STK40: variants seen among roughly 807,000 people sequenced by gnomAD.
STK40 encodes the protein serine/threonine-protein kinase 40.
A neutral mutation model predicts 47.9 loss-of-function variants in STK40; 13 were observed. The observed-to-expected ratio is 0.27, with a 90% CI of 0.18 to 0.43. The LOEUF (loss-of-function observed/expected upper bound fraction) is 0.43. Among genes scored for constraint, STK40 ranks in the 20% least tolerant of loss-of-function variants. STK40 has a pLI of 1.00. For missense variants in STK40, 460 were observed against 595.1 expected (o/e 0.77, Z 2.36); for synonymous variants, 225 against 243.2 (o/e 0.93, Z 0.69).
At chr1:36,378,889 A>G (rs954645280) in intron 1 of STK40, among the ~76,000 whole-genome samples, 4 of 152,210 alleles carry the variant, frequency 2.6e-5, no homozygotes, top group African/African-American at 9.7e-5. Flanking sequence ...TGCAAAAAGT[A>G]GCAGGACTCT....
chr1:36,385,511 G>A (rs1477586356), intron 1 of STK40, among the ~76,000 whole-genome samples: 1 of 152,090 alleles, frequency 6.6e-6, no homozygotes, highest in East Asian at 1.9e-4. Context: ...AAGCTCCCGC[G>A]GCCTCCCGGT....
intron 7 of STK40, among the ~76,000 whole-genome samples, chr1:36,344,513 G>A (rs572050648): frequency 1.9e-4 from 29 of 152,326 alleles, no homozygotes; most frequent in Middle Eastern, 6.8e-3. Context: ...GAGCCCCTGG[G>A]AGCCAGGCAT....
rs1646678057 is a variant in STK40, at chr1:36,344,055, C to T, written c.884+65G>A. ...GGCCAGGATGCCCAGGCTCACTGTG[C>T]CGTTTCCCTGCCTTAAGCCCATCAG... is the stretch of plus-strand genomic sequence containing the variant. On this transcript the variant is annotated intron_variant, in intron 8 of 10. Coordinates refer to ENST00000373132, the MANE Select transcript of STK40 (RefSeq NM_001282547.2). 8 of 1,588,648 alleles carry T rather than the reference C, an allele frequency of 5.0e-6. No individual in the cohort carries two copies. The Admixed American group carries it at 1.2e-4, about 24-fold the overall frequency.
chr1:36,365,253 G>C (rs1288993435), intron 1 of STK40, among the ~76,000 whole-genome samples: 1 of 152,214 alleles, frequency 6.6e-6, no homozygotes, highest in East Asian at 1.9e-4. Context: ...GCCTCCCAAA[G>C]TGTTGGGATT....
intron 7 of STK40, among the ~76,000 whole-genome samples, chr1:36,344,660 C>A (rs145136671): frequency 6.6e-6 from 1 of 152,236 alleles, no homozygotes; most frequent in Non-Finnish European, 1.5e-5. Flanking sequence ...CTGCCTCCTT[C>A]ACAGCCCGGA....
At chr1:36,344,033 C>T (rs1646677846) in intron 8 of STK40, 54 bp from the exon 9 acceptor site, 1 of 1,588,684 alleles carries the variant, frequency 6.3e-7, no homozygotes. Context: ...GGTCTGTGGC[C>T]AGGATGCCCA....
Position 36,344,282 on chromosome 1 carries a change from CCA to C in STK40, c.740-20_740-19del, listed in dbSNP as rs559688278. The C allele has an allele frequency of 1.0e-4, 162 of 1,576,818 alleles. 1 individual carries two copies. The African/African-American group carries it at 2.0e-3, about 20-fold the overall frequency. On this transcript the variant is annotated intron_variant, in intron 7 of 10. Coordinates refer to ENST00000373132, the MANE Select transcript of STK40 (RefSeq NM_001282547.2). ...CGGCCGGCCTACGGGCACACACATACCACACTGTCTTCAGGCCACAGCACCAC... is the reference window on the plus strand; with the variant it reads ...CGGCCGGCCTACGGGCACACACATACCACTGTCTTCAGGCCACAGCACCAC...
rs1308918993 is a variant in STK40, at chr1:36,377,284, C to T, written c.-9+8439G>A. ...GGCGTGGTGGCTCACGCCTGTAATCCCAGCACTTTGGGAGGCTGAGGTGGC... is the reference window on the plus strand; with the variant it reads ...GGCGTGGTGGCTCACGCCTGTAATCTCAGCACTTTGGGAGGCTGAGGTGGC... On this transcript the variant is annotated intron_variant, in intron 1 of 10. Transcript: ENST00000373132. 2.0e-5 allele frequency among the ~76,000 whole-genome samples: 3 copies of T among 151,508 alleles called. No homozygotes were observed. In the East Asian group the frequency reaches 5.8e-4, roughly 29 times the overall value.
At chr1:36,376,199 G>A (rs542781580) in intron 1 of STK40, among the ~76,000 whole-genome samples, 135 of 152,248 alleles carry the variant, frequency 8.9e-4, no homozygotes, top group Admixed American at 2.1e-3. Context: ...CACCTGCTCT[G>A]AATCACCAAG....
rs531273953 is a variant in STK40 at position 36,368,571 on chromosome 1, T to C, written c.-8-7231A>G. Among the ~76,000 whole-genome samples the C allele has an allele frequency of 6.6e-5, 10 of 152,310 alleles. 1 individual carries two copies. Among genetic ancestry groups the C allele is most frequent in the African/African-American group, 1.2e-4 (5 of 41,562 alleles). Reference sequence around the variant, plus strand: ...CCAATCTACTCATGCTATTTTTTTTTCCAAAAATGTATAATTTGAATCTAA... The same window carrying C: ...CCAATCTACTCATGCTATTTTTTTTCCCAAAAATGTATAATTTGAATCTAA... On this transcript the variant is annotated intron_variant, in intron 1 of 10. Transcript: ENST00000373132.
chr1:36,377,423 C>G (rs545950478), intron 1 of STK40, among the ~76,000 whole-genome samples: 1 of 150,108 alleles, frequency 6.7e-6, no homozygotes, highest in Non-Finnish European at 1.5e-5. Flanking sequence ...GTCCCAGCTA[C>G]TCGGGAGGCT....
At chr1:36,371,945 C>G (rs947907469) in intron 1 of STK40, among the ~76,000 whole-genome samples, 1 of 143,088 alleles carries the variant, frequency 7.0e-6, no homozygotes, top group Admixed American at 7.1e-5. Context: ...TGCAGTGAGC[C>G]GAGATCACGC....
intron 6 of STK40, 104 bp from the exon 7 acceptor site, chr1:36,348,919 G>T (rs1646727830): frequency 8.5e-6 from 8 of 943,810 alleles, no homozygotes; most frequent in Non-Finnish European, 1.3e-5. Context: ...ATCCTGAACA[G>T]TAGGAGGTAG....
intron 1 of STK40, 103 bp from the exon 2 acceptor site, chr1:36,361,443 C>T (rs11263876): frequency 4.3e-5 from 66 of 1,539,480 alleles, no homozygotes; most frequent in Non-Finnish European, 4.9e-5. Flanking sequence ...ACACAGCTGC[C>T]GCTGCTGCCT....
At chr1:36,350,497 C>T (rs1309338621) in intron 6 of STK40, among the ~76,000 whole-genome samples, 2 of 152,238 alleles carry the variant, frequency 1.3e-5, no homozygotes, top group African/African-American at 4.8e-5. Flanking sequence ...CTGGCTCTGC[C>T]ACTTCCTTGC....
At chr1:36,349,285 C>T (rs1277398993) in intron 6 of STK40, among the ~76,000 whole-genome samples, 1 of 152,216 alleles carries the variant, frequency 6.6e-6, no homozygotes, top group African/African-American at 2.4e-5. Context: ...AGGGCTGGCC[C>T]CGAGCCACCT....
intron 6 of STK40, among the ~76,000 whole-genome samples, chr1:36,353,504 C>T (rs1048754892): frequency 1.3e-5 from 2 of 152,202 alleles, no homozygotes; most frequent in Non-Finnish European, 2.9e-5. Context: ...AAGGGTGGGC[C>T]GCCAGATCCC....
At chr1:36,361,450 G>A in intron 1 of STK40, 110 bp from the exon 2 acceptor site, 4 of 1,525,526 alleles carry the variant, frequency 2.6e-6, no homozygotes, top group East Asian at 2.3e-5. Flanking sequence ...TGCCGCTGCT[G>A]CCTCCAACTC....
At position 36,385,326 on chromosome 1, in the gene STK40, G is replaced by A. The variant is rs541507381; in HGVS notation, c.-9+397C>T. Reference sequence around the variant, plus strand: ...AGGAAGCCCTGGCTGGCCCTCCCTGGGGACTCGTTCTAACTATCAAGTCAC... The same window carrying A: ...AGGAAGCCCTGGCTGGCCCTCCCTGAGGACTCGTTCTAACTATCAAGTCAC... On this transcript the variant is annotated intron_variant, in intron 1 of 10. Transcript: ENST00000373132. Among the ~76,000 whole-genome samples, 114 of 151,016 alleles carry A rather than the reference G, an allele frequency of 7.5e-4. 1 individual carries two copies. Among genetic ancestry groups the A allele is most frequent in the African/African-American group, 2.8e-3 (112 of 40,292 alleles).
Sources: allele counts gnomAD v4.1 joint callset (sites outside exome capture counted in the v4.1 genomes callset), GRCh38; gene constraint gnomAD v4.1.1; transcripts MANE v1.5; gene names NCBI Gene and HGNC (gene_info 2026-07-23, HGNC 2026-07-21).